The following KALRN variants were observed in gnomAD, a reference collection of about 807,000 sequenced individuals.
The protein encoded by KALRN is kalirin RhoGEF kinase, also known as kalirin.
A neutral mutation model predicts 353.7 loss-of-function variants in KALRN; 70 were observed. The ratio of observed to expected loss-of-function variants is 0.20; its 90% CI spans 0.16 to 0.24. The LOEUF is 0.24. Ranked by LOEUF, KALRN falls within the 10% of genes least tolerant of loss-of-function variation. The pLI is 1.00. For synonymous variants in KALRN, 1,391 were observed against 1,434.8 expected (o/e 0.97, Z 0.69); for missense variants, 2,791 against 3,756.7 (o/e 0.74, Z 6.72).
At position 124,264,705 on chromosome 3, in the gene KALRN, T is replaced by TC. The variant is rs767578830; in HGVS notation, c.456+16dup. On this transcript the variant is annotated intron_variant, in intron 4 of 59. Transcript: ENST00000682506. Reference sequence around the variant, plus strand: ...TCATCTTTGAGGTGAGCCAGATTTCTCTCTCTTAGCATCTTCTTTCCCTTC... The same window carrying TC: ...TCATCTTTGAGGTGAGCCAGATTTCTCCTCTCTTAGCATCTTCTTTCCCTTC... The TC allele has an allele frequency of 1.1e-5, 17 of 1,609,426 alleles. No homozygotes were observed. In the East Asian group the frequency reaches 3.8e-4, roughly 36 times the overall value.
At chr3:124,664,380 C>CGCGCGT (rs1553719966) in intron 45 of KALRN, among the ~76,000 whole-genome samples, 2 of 149,170 alleles carry the variant, frequency 1.3e-5, no homozygotes, top group Admixed American at 6.7e-5. Flanking sequence ...TGCGCGCGCG[C>CGCGCGT]GCATATAAGG....
In KALRN at chr3:124,490,623, G is replaced by A. The variant is rs572229800; in HGVS notation, c.4397-71G>A. On this transcript the variant is annotated intron_variant, in intron 29 of 59. Transcript: ENST00000682506. ...CAATAAGAGAGGCCTTTCTCCAAGA[G>A]GGGGGTGGAACATGGCCCCCTGACT... 6.1e-4 allele frequency: 858 copies of A among 1,417,962 alleles called. 1 individual carries two copies. Among genetic ancestry groups the A allele is most frequent in the Middle Eastern group, 2.6e-3 (10 of 3,892 alleles). The allele number at this position is 1,417,962 out of a possible 1,614,324, so 87.8% of individuals were successfully genotyped here.
intron 1 of KALRN, among the ~76,000 whole-genome samples, chr3:124,131,206 T>G (rs1379969689): frequency 6.6e-6 from 1 of 152,202 alleles, no homozygotes; most frequent in Admixed American, 6.5e-5. Context: ...CAGATAATAT[T>G]CTTAAGGTTC....
At chr3:124,056,765 G>A (rs1048007443) in intron 1 of KALRN, among the ~76,000 whole-genome samples, 5 of 152,140 alleles carry the variant, frequency 3.3e-5, no homozygotes, top group Non-Finnish European at 7.3e-5. Flanking sequence ...CTCTGGATGA[G>A]CTTTACAAGC....
chr3:124,702,144 T>C, intron 57 of KALRN, 28 bp downstream of exon 57: 1 of 1,409,716 alleles, frequency 7.1e-7, no homozygotes, highest in Non-Finnish European at 1.0e-6. Context: ...TATTCCTTCA[T>C]TCATGAACAC....
At chr3:124,161,350 T>G (rs2150020938) in intron 1 of KALRN, among the ~76,000 whole-genome samples, 1 of 152,340 alleles carries the variant, frequency 6.6e-6, no homozygotes, top group East Asian at 1.9e-4. Flanking sequence ...TTGTTAATGC[T>G]TTTGGATGGC....
At chr3:124,600,772 A>G (rs1193946132) in intron 34 of KALRN, among the ~76,000 whole-genome samples, 2 of 152,212 alleles carry the variant, frequency 1.3e-5, no homozygotes, top group Non-Finnish European at 1.5e-5. Context: ...ATATTTTGGA[A>G]GTAGCCTAGA....
rs146878577 is a variant in KALRN, at chr3:124,557,267, G to A, written c.4936-5576G>A. On this transcript the variant is annotated intron_variant, in intron 33 of 59. Coordinates refer to ENST00000682506, the MANE Select transcript of KALRN (RefSeq NM_001388419.1). ...TTTTTATATTTTAGTATTGGGGCAGGGGGGCGGTGATGTTATTGTTGTAAA... is the reference window on the plus strand; with the variant it reads ...TTTTTATATTTTAGTATTGGGGCAGAGGGGCGGTGATGTTATTGTTGTAAA... Among the ~76,000 whole-genome samples the A allele has an allele frequency of 6.1e-3, 923 of 152,220 alleles. 7 individuals are homozygous for A. Among genetic ancestry groups the A allele is most frequent in the Non-Finnish European group, 9.7e-3 (660 of 68,012 alleles).
At chr3:124,113,526 C>A (rs1349410985) in intron 1 of KALRN, among the ~76,000 whole-genome samples, 2 of 152,230 alleles carry the variant, frequency 1.3e-5, no homozygotes, top group Non-Finnish European at 2.9e-5. Flanking sequence ...ACTTCCATTT[C>A]TCTTGAAGTG....
intron 34 of KALRN, among the ~76,000 whole-genome samples, chr3:124,568,694 A>G (rs79537473): frequency 0.021 from 3,224 of 152,330 alleles, 130 homozygotes; most frequent in African/African-American, 0.073. Flanking sequence ...ATGCCACAAC[A>G]TGAATGAACC....
intron 7 of KALRN, among the ~76,000 whole-genome samples, chr3:124,327,062 A>G (rs1341553766): frequency 2.0e-5 from 3 of 152,212 alleles, no homozygotes; most frequent in Non-Finnish European, 4.4e-5. Flanking sequence ...GTAGCTTAAA[A>G]TACACCATGG....
At chr3:124,227,663 G>GTTTTTTTTTTTTTTTTTTTTT (rs747087120) in intron 1 of KALRN, among the ~76,000 whole-genome samples, 4 of 69,262 alleles carry the variant, frequency 5.8e-5, no homozygotes, top group African/African-American at 1.0e-4. Flanking sequence ...CAACAGGGCT[G>GTTTTTTTTTTTTTTTTTTTTT]TTTTTTTTTT....
At chr3:124,659,537 A>AG in intron 43 of KALRN, 80 bp downstream of exon 43, 2 of 971,358 alleles carry the variant, frequency 2.1e-6, no homozygotes, top group South Asian at 2.6e-5. Context: ...GGGTAGAGCT[A>AG]GCGGTTCTGT....
chr3:124,181,246 G>T (rs898711031), intron 1 of KALRN, among the ~76,000 whole-genome samples: 9 of 152,034 alleles, frequency 5.9e-5, no homozygotes, highest in Non-Finnish European at 1.0e-4. Context: ...GACTGCACTT[G>T]TGCTTTTCTA....
At chr3:124,608,675 G>C (rs1226994283) in intron 34 of KALRN, among the ~76,000 whole-genome samples, 1 of 152,320 alleles carries the variant, frequency 6.6e-6, no homozygotes, top group Admixed American at 6.5e-5. Flanking sequence ...ATTTGCAATG[G>C]TGGCCCTCCC....
intron 8 of KALRN, among the ~76,000 whole-genome samples, chr3:124,333,285 A>T (rs1303529902): frequency 6.6e-6 from 1 of 152,198 alleles, no homozygotes; most frequent in Non-Finnish European, 1.5e-5. Context: ...ATCAATGGTG[A>T]TGATGATGAA....
At chr3:124,467,378 C>G (rs1455929442) in intron 25 of KALRN, among the ~76,000 whole-genome samples, 1 of 152,190 alleles carries the variant, frequency 6.6e-6, no homozygotes, top group African/African-American at 2.4e-5. Flanking sequence ...AGCCTCTGCC[C>G]TCTGGGTTCT....
intron 1 of KALRN, among the ~76,000 whole-genome samples, chr3:124,165,850 C>CT (rs1013316370): frequency 1.3e-5 from 2 of 152,200 alleles, no homozygotes; most frequent in African/African-American, 4.8e-5. Context: ...CACATGATCT[C>CT]TTTCTCATGT....
intron 10 of KALRN, among the ~76,000 whole-genome samples, chr3:124,364,330 A>T (rs2084393830): frequency 6.6e-6 from 1 of 152,178 alleles, no homozygotes; most frequent in Non-Finnish European, 1.5e-5. Flanking sequence ...TAGCTGAATG[A>T]TGGGATGGGA....
Sources: allele counts gnomAD v4.1 joint callset (sites outside exome capture counted in the v4.1 genomes callset), GRCh38; gene constraint gnomAD v4.1.1; transcripts MANE v1.5; gene names NCBI Gene and HGNC (gene_info 2026-07-23, HGNC 2026-07-21).